Variants in ZMIZ1 observed in about 807,000 individuals in gnomAD.
ZMIZ1 encodes the protein zinc finger MIZ domain-containing protein 1.
Under a neutral mutation model 113.9 loss-of-function variants are expected in ZMIZ1, and 17 were observed. The observed-to-expected ratio is 0.15, with a 90% CI of 0.10 to 0.22. The LOEUF (loss-of-function observed/expected upper bound fraction) is 0.22, where lower values mean the gene tolerates loss of function less well. ZMIZ1 is among the 10% of genes least tolerant of loss of function. The pLI is 1.00. For missense variants in ZMIZ1, 1,059 were observed against 1,477.8 expected (o/e 0.72, Z 4.65); for synonymous variants, 607 against 603.1 (o/e 1.01, Z -0.09).
intron 6 of ZMIZ1, among the ~76,000 whole-genome samples, chr10:79,213,395 G>T (rs1267192499): frequency 6.6e-6 from 1 of 152,180 alleles, no homozygotes; most frequent in Non-Finnish European, 1.5e-5. Flanking sequence ...GTGGCCTTGA[G>T]CACGGTCCTG....
At chr10:79,230,857 CTG>C (rs1403272468) in intron 7 of ZMIZ1, among the ~76,000 whole-genome samples, 1 of 152,212 alleles carries the variant, frequency 6.6e-6, no homozygotes, top group Admixed American at 6.5e-5. Context: ...GGAAAGAGAA[CTG>C]TGGGAGGAGA....
chr10:79,292,204 C>T lies in ZMIZ1; in HGVS notation c.805C>T (p.His269Tyr). The T allele has an allele frequency of 6.2e-7, 1 of 1,612,170 alleles. No homozygotes were observed. Residue 269 changes from histidine to tyrosine, a missense_variant, in exon 11 of 25, where the codon CAC becomes TAC. This residue lies in a region of ZMIZ1 where 23 missense variants were observed against 73.3 expected (regional missense o/e 0.31). Transcript: ENST00000334512. ...CCCCGCAGGCATGGGCATCCCTCCGCACACCAGGCCGCCTGCTGACTTCAC... is the reference window on the plus strand; with the variant it reads ...CCCCGCAGGCATGGGCATCCCTCCGTACACCAGGCCGCCTGCTGACTTCAC... The part of the protein sequence containing the change: ...NAPAGMGIPP[H>Y]TRPPADFTQP...
At chr10:79,243,620 C>T in intron 7 of ZMIZ1, 1 of 180,948 alleles carries the variant, frequency 5.5e-6, no homozygotes, top group Non-Finnish European at 1.2e-5. Context: ...GCTGCCTGCG[C>T]GCAGCCTTTG....
chr10:79,269,380 C>T (rs1203734638), intron 7 of ZMIZ1, among the ~76,000 whole-genome samples: 1 of 151,924 alleles, frequency 6.6e-6, no homozygotes, highest in Non-Finnish European at 1.5e-5. Flanking sequence ...AGGCCTCTTC[C>T]TGGGCCCCTC....
chr10:79,251,639 C>G (rs1393028249), intron 7 of ZMIZ1, among the ~76,000 whole-genome samples: 1 of 152,178 alleles, frequency 6.6e-6, no homozygotes, highest in Non-Finnish European at 1.5e-5. Flanking sequence ...AGCAAATAGT[C>G]CCCCTGCCTC....
chr10:79,207,064 T>C (rs1848346343), intron 5 of ZMIZ1, among the ~76,000 whole-genome samples: 1 of 152,238 alleles, frequency 6.6e-6, no homozygotes, highest in African/African-American at 2.4e-5. Context: ...GGGACCATCC[T>C]ACGTCAGTGG....
intron 7 of ZMIZ1, among the ~76,000 whole-genome samples, chr10:79,275,517 G>A (rs1244533524): frequency 2.6e-5 from 4 of 152,228 alleles, no homozygotes; most frequent in Admixed American, 2.0e-4. Flanking sequence ...CGGGAACCCC[G>A]TCCAGGATCT....
chr10:79,237,047 C>G (rs1849618645), intron 7 of ZMIZ1, among the ~76,000 whole-genome samples: 1 of 152,190 alleles, frequency 6.6e-6, no homozygotes, highest in African/African-American at 2.4e-5. Context: ...CGGGGGCTCC[C>G]CAGTCAAGGG....
At chr10:79,242,290 A>G (rs966739620) in intron 7 of ZMIZ1, among the ~76,000 whole-genome samples, 7 of 152,014 alleles carry the variant, frequency 4.6e-5, no homozygotes, top group Non-Finnish European at 8.8e-5. Context: ...GGGGCGGGGC[A>G]GGGCCGCGCG....
At position 79,127,057 on chromosome 10, in the gene ZMIZ1, CT is replaced by C. The variant is rs775288491; in HGVS notation, c.-227+8034del. Among the ~76,000 whole-genome samples the C allele has an allele frequency of 7.9e-5, 12 of 152,356 alleles. No homozygotes were observed. The East Asian group carries it at 2.1e-3, about 27-fold the overall frequency. The stretch of plus-strand genomic sequence containing the variant: ...ATAAAATGAGAGATGCGCCTCCCTT[CT>C]CTTTGCTGTGACCAACTCCTTCTTT... On this transcript the variant is annotated intron_variant, in intron 2 of 24. Coordinates refer to ENST00000334512, the MANE Select transcript of ZMIZ1 (RefSeq NM_020338.4).
At chr10:79,256,087 G>A (rs1487140892) in intron 7 of ZMIZ1, among the ~76,000 whole-genome samples, 2 of 152,200 alleles carry the variant, frequency 1.3e-5, no homozygotes, top group African/African-American at 4.8e-5. Context: ...TCTTGCTGGG[G>A]AGAGCTGCCT....
At chr10:79,309,443 T>C (rs890964422) in intron 23 of ZMIZ1, among the ~76,000 whole-genome samples, 1 of 152,148 alleles carries the variant, frequency 6.6e-6, no homozygotes, top group African/African-American at 2.4e-5. Context: ...TCACTGACCA[T>C]GGGTGGTGGC....
chr10:79,133,343 T>G (rs1181427206), intron 2 of ZMIZ1, among the ~76,000 whole-genome samples: 1 of 152,214 alleles, frequency 6.6e-6, no homozygotes, highest in East Asian at 1.9e-4. Flanking sequence ...GGTCTGGAAC[T>G]TATTCCCACT....
At chr10:79,128,839 G>A (rs946764077) in intron 2 of ZMIZ1, among the ~76,000 whole-genome samples, 39 of 152,312 alleles carry the variant, frequency 2.6e-4, no homozygotes, top group African/African-American at 8.2e-4. Context: ...GGAAAAAGTA[G>A]TTTTCAGTGC....
chr10:79,109,570 G>C (rs957510580), intron 1 of ZMIZ1, among the ~76,000 whole-genome samples: 17 of 152,172 alleles, frequency 1.1e-4, no homozygotes, highest in African/African-American at 3.1e-4. Context: ...GAGGGATGTG[G>C]TGCCCACTCC....
chr10:79,225,136 T>G (rs1370863423), intron 7 of ZMIZ1, among the ~76,000 whole-genome samples: 1 of 152,154 alleles, frequency 6.6e-6, no homozygotes, highest in African/African-American at 2.4e-5. Flanking sequence ...GTGCATGCAG[T>G]AAGCAGAGGC....
At chr10:79,285,097 G>A (rs927271612) in intron 8 of ZMIZ1, among the ~76,000 whole-genome samples, 1 of 152,190 alleles carries the variant, frequency 6.6e-6, no homozygotes, top group Non-Finnish European at 1.5e-5. Context: ...GGAGAGGGGA[G>A]CGTTGCCTTG....
chr10:79,220,128 G>A (rs780122260), intron 7 of ZMIZ1, among the ~76,000 whole-genome samples: 1 of 152,168 alleles, frequency 6.6e-6, no homozygotes, highest in Non-Finnish European at 1.5e-5. Context: ...ACCTCTCCAG[G>A]CTGTGGCCTC....
chr10:79,261,105 C>T (rs921500512), intron 7 of ZMIZ1, among the ~76,000 whole-genome samples: 2 of 152,312 alleles, frequency 1.3e-5, no homozygotes, highest in South Asian at 2.1e-4. Context: ...CTCTGCACTC[C>T]GGCTCCCCCA....
Sources: gnomAD v4.1 joint callset for allele counts (sites outside exome capture counted in the v4.1 genomes callset) on GRCh38, gnomAD v4.1.1 for gene constraint, gnomAD v4.1.1 regional missense constraint, MANE v1.5 for transcripts, NCBI Gene and HGNC (gene_info 2026-07-23, HGNC 2026-07-21) for gene names.